Variants in CSF2RA observed in about 807,000 individuals in gnomAD.
CSF2RA encodes granulocyte-macrophage colony-stimulating factor receptor subunit alpha.
In CSF2RA, 42 loss-of-function variants were observed where a neutral mutation model predicts 51.6. That is an observed-to-expected ratio of 0.81 (90% confidence interval 0.64 to 1.05). The LOEUF is 1.05. Among genes scored for constraint, CSF2RA ranks in the 50% least tolerant of loss-of-function variants. CSF2RA has a pLI of 0.00. For missense variants in CSF2RA, 530 were observed against 501.1 expected, an observed-to-expected ratio of 1.06 and a Z score of -0.55; for synonymous variants, 222 against 193.0, an observed-to-expected ratio of 1.15 and a Z score of -1.24.
the CSF2RA span, among the ~76,000 whole-genome samples, chrX:1,318,714 G>A: frequency 1.9e-4 from 28 of 151,350 alleles, no homozygotes; most frequent in African/African-American, 6.5e-4. Context: ...TCAGGAGATC[G>A]AGACCCTCCT....
At chrX:1,315,784 TAGATAGATAGATAGATAGATAGATAGA>T in the CSF2RA span, among the ~76,000 whole-genome samples, 1 of 78,062 alleles carries the variant, frequency 1.3e-5, no homozygotes, top group Non-Finnish European at 3.6e-5. Flanking sequence ...GATAGATAGA[TAGATAGATAGATAGATAGATAGATAGA>T]TAGATAGATT....
intron 8 of CSF2RA, among the ~76,000 whole-genome samples, 200 bp from the exon 9 acceptor site, chrX:1,295,227 G>A (rs771710215): frequency 7.3e-6 from 1 of 137,698 alleles, no homozygotes; most frequent in Admixed American, 7.1e-5. Context: ...AAGATATCTG[G>A]CCAGGAAGAC....
chrX:1,282,612 G>T lies in CSF2RA; in HGVS notation c.-26-66G>T, dbSNP rs1395897509. On this transcript the variant is annotated intron_variant, in intron 2 of 12. Coordinates refer to ENST00000381529, the MANE Select transcript of CSF2RA (RefSeq NM_172245.4). ...TTGTTTCCCCAAATCACCTCCCTGG[G>T]GTCCCCTGCCAGGAATGTCCTGGGA... 7 of 1,180,152 alleles carry T rather than the reference G, an allele frequency of 5.9e-6. No homozygotes were observed. In the East Asian group the frequency reaches 9.3e-5, roughly 16 times the overall value. The allele number at this position is 1,180,152 out of a possible 1,614,324, so 73.1% of individuals were successfully genotyped here.
chrX:1,324,117 G>T, the CSF2RA span, among the ~76,000 whole-genome samples: 1 of 152,002 alleles, frequency 6.6e-6, no homozygotes, highest in East Asian at 2.0e-4. Context: ...TCTGTGAGGT[G>T]GAGGTTGCAG....
chrX:1,319,343 G>T, the CSF2RA span, among the ~76,000 whole-genome samples: 6 of 148,640 alleles, frequency 4.0e-5, no homozygotes, highest in Non-Finnish European at 9.0e-5. Context: ...GCCCAGGCTG[G>T]AGTGCACGAT....
In CSF2RA at chrX:1,282,748, C is replaced by T. The variant is rs763791353; in HGVS notation, c.45C>T (p.His15=). Reference sequence around the variant, plus strand: ...GCCTTCTGCTCTGTGAGTTACCACACCCAGCATTCCTCCTGATCCCAGAGA... The same window carrying T: ...GCCTTCTGCTCTGTGAGTTACCACATCCAGCATTCCTCCTGATCCCAGAGA... The part of the protein sequence containing the change: ...VTSLLLCELP[H]PAFLLIPEKS... Residue 15 remains histidine, a synonymous_variant, in exon 3 of 13, where the codon CAC becomes CAT. Transcript: ENST00000381529. 1.2e-6 allele frequency: 2 copies of T among 1,613,846 alleles called. No individual in the cohort carries two copies. Among genetic ancestry groups the T allele is most frequent in the East Asian group, 2.2e-5 (1 of 44,882 alleles).
At chrX:1,314,482 A>AACCGTACTGCACCTG (rs1569514887), downstream of CSF2RA, among the ~76,000 whole-genome samples, 19 of 70,352 alleles carry the variant, frequency 2.7e-4, no homozygotes, top group Non-Finnish European at 4.1e-4. Flanking sequence ...CAATGCACCT[A>AACCGTACTGCACCTG]CCCAACCCCA....
At chrX:1,286,871 C>T (rs759845465) in intron 4 of CSF2RA, among the ~76,000 whole-genome samples, 82 of 152,098 alleles carry the variant, frequency 5.4e-4, no homozygotes, top group Non-Finnish European at 9.6e-4. Flanking sequence ...AGTGTGTCAC[C>T]GTCCTGGTTC....
In CSF2RA at chrX:1,295,407, GTGTTT is replaced by G. The variant is rs1306462796; in HGVS notation, c.781-9_781-5del. On this transcript the variant is annotated splice_polypyrimidine_tract_variant and intron_variant, in intron 8 of 12. Transcript: ENST00000381529. The stretch of plus-strand genomic sequence containing the variant: ...AAATGGAAACAGTGAGCCTTGTGTT[GTGTTT>G]TGTTTTGTTTCTAGAATACCCAGCC... 1 of 1,613,360 alleles carries G rather than the reference GTGTTT, an allele frequency of 6.2e-7. No homozygotes were observed.
At chrX:1,314,984 GCACTGCACCTGCCCAACCC>G (rs1190758137), downstream of CSF2RA, among the ~76,000 whole-genome samples, 46 of 38,958 alleles carry the variant, frequency 1.2e-3, 1 homozygote, top group East Asian at 2.7e-3. Context: ...CTGCCCAATC[GCACTGCACCTGCCCAACCC>G]CACTGCACCT....
At chrX:1,311,752 T>A (rs1373265518), downstream of CSF2RA, among the ~76,000 whole-genome samples, 5 of 152,048 alleles carry the variant, frequency 3.3e-5, no homozygotes, top group African/African-American at 1.2e-4. Flanking sequence ...AATAAACCTC[T>A]CTTTAAAATA....
chrX:1,302,108 G>A (rs1280309656), intron 10 of CSF2RA, among the ~76,000 whole-genome samples: 7 of 150,424 alleles, frequency 4.7e-5, no homozygotes, highest in African/African-American at 1.7e-4. Context: ...TAGAGACGGG[G>A]TTTCACCATG....
At chrX:1,305,597 C>G (rs2083479527) in intron 12 of CSF2RA, 70 bp downstream of exon 12, 5 of 1,613,866 alleles carry the variant, frequency 3.1e-6, no homozygotes, top group Non-Finnish European at 2.5e-6. Context: ...GACACGGCCT[C>G]TGGGTGTCGA....
intron 1 of CSF2RA, among the ~76,000 whole-genome samples, chrX:1,270,564 C>T (rs1415889682): frequency 3.9e-5 from 6 of 152,146 alleles, no homozygotes; most frequent in South Asian, 2.1e-4. Context: ...TAAAGCAAAA[C>T]GGATTCTCAC....
chrX:1,288,043 C>T (rs191062691), intron 4 of CSF2RA, among the ~76,000 whole-genome samples: 1 of 152,020 alleles, frequency 6.6e-6, no homozygotes, highest in Non-Finnish European at 1.5e-5. Context: ...GGCCTCTAGT[C>T]TGGTACTTTC....
intron 2 of CSF2RA, chrX:1,282,317 A>T: frequency 3.6e-6 from 1 of 279,792 alleles, no homozygotes; most frequent in Non-Finnish European, 6.8e-6. Flanking sequence ...AACAGAAAGT[A>T]AAAGCTATGA....
intron 10 of CSF2RA, among the ~76,000 whole-genome samples, chrX:1,301,912 CT>C (rs1158872719): frequency 0.1 from 10,687 of 103,522 alleles, 661 homozygotes; most frequent in Middle Eastern, 0.21. Context: ...GGCCCTCCCT[CT>C]TTTTTTTTTT....
the CSF2RA span, among the ~76,000 whole-genome samples, chrX:1,321,683 A>G: frequency 6.6e-6 from 1 of 152,162 alleles, no homozygotes; most frequent in Non-Finnish European, 1.5e-5. Flanking sequence ...ACGTGGAGCT[A>G]AACGGACTGC....
At chrX:1,282,638 G>A (rs1460478168) in intron 2 of CSF2RA, 40 bp from the exon 3 acceptor site, 1 of 1,440,576 alleles carries the variant, frequency 6.9e-7, no homozygotes, top group Admixed American at 1.7e-5. Context: ...TGTCCTGGGA[G>A]AGGCAACCTT....
Sources: allele counts gnomAD v4.1 joint callset (sites outside exome capture counted in the v4.1 genomes callset), GRCh38; gene constraint gnomAD v4.1.1; transcripts MANE v1.5; gene names NCBI Gene and HGNC (gene_info 2026-07-23, HGNC 2026-07-21).